The following ZBTB20 variants were observed in gnomAD, a reference collection of about 807,000 sequenced individuals.
ZBTB20 encodes zinc finger and BTB domain-containing protein 20.
In ZBTB20, 9 loss-of-function variants were observed where a neutral mutation model predicts 56.9. The ratio of observed to expected loss-of-function variants is 0.16; its 90% CI spans 0.10 to 0.28. ZBTB20 has a LOEUF of 0.28. ZBTB20 is among the 10% of genes least tolerant of loss of function. ZBTB20 has a pLI of 1.00. For synonymous variants in ZBTB20, 417 were observed against 420.7 expected, an observed-to-expected ratio of 0.99 and a Z score of 0.11; for missense variants, 655 against 1,003.0, an observed-to-expected ratio of 0.65 and a Z score of 4.69.
At chr3:114,544,052 A>G (rs1235626988) in intron 6 of ZBTB20, among the ~76,000 whole-genome samples, 1 of 152,218 alleles carries the variant, frequency 6.6e-6, no homozygotes, top group Non-Finnish European at 1.5e-5. Flanking sequence ...TAGGCAGTGA[A>G]CAACTCTGCT....
intron 4 of ZBTB20, among the ~76,000 whole-genome samples, chr3:114,809,752 C>T (rs1353172862): frequency 6.6e-6 from 1 of 152,066 alleles, no homozygotes; most frequent in Non-Finnish European, 1.5e-5. Flanking sequence ...AGTCACACTC[C>T]TGTTTATTAC....
chr3:114,818,503 T>C (rs2073068486), intron 4 of ZBTB20, among the ~76,000 whole-genome samples: 1 of 152,024 alleles, frequency 6.6e-6, no homozygotes, highest in Non-Finnish European at 1.5e-5. Context: ...TGGCATATAG[T>C]AAGTGCTAAA....
intron 1 of ZBTB20, among the ~76,000 whole-genome samples, chr3:115,132,139 A>G (rs1268187199): frequency 6.6e-6 from 1 of 152,160 alleles, no homozygotes; most frequent in Non-Finnish European, 1.5e-5. Context: ...TTGAAATAAT[A>G]TTTTTATTGT....
chr3:114,642,597 G>A (rs771637645), intron 6 of ZBTB20, among the ~76,000 whole-genome samples: 4 of 152,074 alleles, frequency 2.6e-5, no homozygotes, highest in Non-Finnish European at 4.4e-5. Context: ...CCCGACTGCC[G>A]ATGTCTAGTT....
chr3:115,031,718 G>T (rs1390445982), intron 2 of ZBTB20, among the ~76,000 whole-genome samples: 4 of 151,412 alleles, frequency 2.6e-5, no homozygotes, highest in African/African-American at 9.7e-5. Context: ...GACACTAAGT[G>T]CTGTATTAGA....
intron 2 of ZBTB20, among the ~76,000 whole-genome samples, chr3:115,026,049 G>A (rs766172852): frequency 4.6e-5 from 7 of 151,020 alleles, no homozygotes; most frequent in Non-Finnish European, 7.4e-5. Context: ...TGATGCAAAT[G>A]TGAAGTCAGG....
intron 1 of ZBTB20, among the ~76,000 whole-genome samples, chr3:115,138,203 C>G (rs2084705879): frequency 6.6e-6 from 1 of 151,992 alleles, no homozygotes; most frequent in South Asian, 2.1e-4. Flanking sequence ...TCTACCTTCC[C>G]AGAACTTTCA....
At chr3:114,686,567 G>C (rs2062355132) in intron 6 of ZBTB20, among the ~76,000 whole-genome samples, 1 of 151,782 alleles carries the variant, frequency 6.6e-6, no homozygotes, top group South Asian at 2.1e-4. Context: ...CTGAAGCCTT[G>C]GGCACCCATT....
chr3:114,612,759 G>C (rs1380901955), intron 6 of ZBTB20, among the ~76,000 whole-genome samples: 1 of 152,144 alleles, frequency 6.6e-6, no homozygotes, highest in African/African-American at 2.4e-5. Flanking sequence ...GGGCCACTGA[G>C]ACCAAGTTCA....
chr3:115,065,792 A>C (rs968889774), intron 2 of ZBTB20, among the ~76,000 whole-genome samples: 2 of 152,184 alleles, frequency 1.3e-5, no homozygotes, highest in Non-Finnish European at 2.9e-5. Flanking sequence ...AGGTTATTTA[A>C]ATAGCAATCC....
intron 7 of ZBTB20, among the ~76,000 whole-genome samples, chr3:114,456,300 AAT>A (rs1450996364): frequency 1.3e-5 from 2 of 152,092 alleles, no homozygotes; most frequent in Non-Finnish European, 2.9e-5. Context: ...AGAAAAATAT[AAT>A]ATTGTAGAGG....
At chr3:114,750,084 G>C (rs935525080) in intron 5 of ZBTB20, among the ~76,000 whole-genome samples, 2 of 152,152 alleles carry the variant, frequency 1.3e-5, no homozygotes, top group East Asian at 3.8e-4. Context: ...CTAGCTTATG[G>C]TTATGTGGAA....
chr3:114,811,898 G>A (rs1191130444), intron 4 of ZBTB20, among the ~76,000 whole-genome samples: 3 of 152,192 alleles, frequency 2.0e-5, no homozygotes, highest in Non-Finnish European at 4.4e-5. Context: ...CTGACTTCAA[G>A]AATGAAGCCG....
intron 3 of ZBTB20, among the ~76,000 whole-genome samples, chr3:114,916,711 C>T (rs1020417748): frequency 8.5e-5 from 13 of 152,132 alleles, no homozygotes; most frequent in Admixed American, 2.0e-4. Context: ...TTAAATATGT[C>T]ATGCTACTTT....
chr3:115,104,633 G>A (rs1292032965), intron 1 of ZBTB20, among the ~76,000 whole-genome samples: 1 of 152,166 alleles, frequency 6.6e-6, no homozygotes, highest in Non-Finnish European at 1.5e-5. Flanking sequence ...TACACTGTAT[G>A]ATTCCAACTA....
rs1247226231 is a variant in ZBTB20 at position 115,098,824 on chromosome 3, G to C, written c.-702-27410C>G. ...TGGACTTCTTTGTGTTGTCAGAGAA[G>C]CCTAATGGAATTAAGGGGGAAAAAA... On this transcript the variant is annotated intron_variant, in intron 1 of 11. Coordinates refer to ENST00000675478, the MANE Select transcript of ZBTB20 (RefSeq NM_001348800.3). 3.3e-5 allele frequency among the ~76,000 whole-genome samples: 5 copies of C among 152,206 alleles called. No homozygotes were observed. In the South Asian group the frequency reaches 8.3e-4, roughly 25 times the overall value.
intron 1 of ZBTB20, among the ~76,000 whole-genome samples, chr3:115,131,838 A>T (rs1307120241): frequency 2.0e-5 from 3 of 152,182 alleles, no homozygotes; most frequent in Non-Finnish European, 2.9e-5. Flanking sequence ...CCATTAATTT[A>T]AAAAATCCAT....
rs373684972 is a variant in ZBTB20 at position 114,350,359 on chromosome 3, G to T, written c.1719C>A (p.Gly573=). 1.9e-6 allele frequency: 3 copies of T among 1,613,836 alleles called. No homozygotes were observed. Among genetic ancestry groups the T allele is most frequent in the African/African-American group, 1.3e-5 (1 of 74,880 alleles). The change falls in exon 11 of 12, where the codon GGC becomes GGA. Residue 573 remains glycine (G), a synonymous_variant. Transcript: ENST00000675478. ...SAGHSTASGQ[G]EKKPYECTLC... ...GAGTGCACTCATAAGGCTTTTTTTC[G>T]CCTTGCCCACTGGCTGTGCTGTGGC...
intron 6 of ZBTB20, among the ~76,000 whole-genome samples, chr3:114,522,630 T>C (rs929234450): frequency 1.1e-4 from 16 of 152,126 alleles, no homozygotes; most frequent in African/African-American, 3.4e-4. Flanking sequence ...GAAATGATAG[T>C]TGCTTGGATT....
Sources: allele counts gnomAD v4.1 joint callset (sites outside exome capture counted in the v4.1 genomes callset), GRCh38; gene constraint gnomAD v4.1.1; transcripts MANE v1.5; gene names NCBI Gene and HGNC (gene_info 2026-07-23, HGNC 2026-07-21).